The following PTPRN2 variants were observed in gnomAD, a reference collection of about 807,000 sequenced individuals.
The protein encoded by PTPRN2 is protein tyrosine phosphatase receptor type N2, also known as receptor-type tyrosine-protein phosphatase N2.
PTPRN2 carries 74 observed loss-of-function variants against 118.8 expected under a neutral mutation model. That is an observed-to-expected ratio of 0.62 (90% confidence interval 0.52 to 0.76). PTPRN2 has a LOEUF of 0.76. PTPRN2 is among the 30% of genes least tolerant of loss of function. The pLI is 0.00. For missense variants in PTPRN2, 1,481 were observed against 1,394.4 expected, an observed-to-expected ratio of 1.06 and a Z score of -0.99; for synonymous variants, 641 against 608.0, an observed-to-expected ratio of 1.05 and a Z score of -0.80.
intron 2 of PTPRN2, among the ~76,000 whole-genome samples, chr7:158,448,645 C>T (rs958646674): frequency 2.6e-5 from 4 of 152,196 alleles, no homozygotes; most frequent in African/African-American, 9.6e-5. Context: ...GGGCATGGGG[C>T]AGTCCCACCT....
intron 11 of PTPRN2, among the ~76,000 whole-genome samples, chr7:158,056,020 G>C (rs376694287): frequency 2.7e-4 from 41 of 152,174 alleles, no homozygotes; most frequent in Non-Finnish European, 4.6e-4. Flanking sequence ...GGTGGAGTCC[G>C]GGCCGAGGCC....
chr7:157,568,183 T>C (rs539229683), intron 21 of PTPRN2, among the ~76,000 whole-genome samples: 43 of 152,300 alleles, frequency 2.8e-4, no homozygotes, highest in African/African-American at 9.1e-4. Flanking sequence ...CAGATCTGCT[T>C]TTCCACGCTG....
intron 12 of PTPRN2, among the ~76,000 whole-genome samples, chr7:157,811,009 T>G (rs1051937619): frequency 1.3e-5 from 2 of 152,058 alleles, no homozygotes; most frequent in Admixed American, 1.3e-4. Flanking sequence ...CTGTGGCTCA[T>G]GCCTGTAATC....
intron 12 of PTPRN2, among the ~76,000 whole-genome samples, chr7:157,882,222 C>T (rs1448367502): frequency 1.3e-5 from 2 of 150,166 alleles, no homozygotes; most frequent in African/African-American, 4.9e-5. Flanking sequence ...AGACCAGATA[C>T]ACCACCCCAA....
Position 158,456,427 on chromosome 7 carries a change from C to T in PTPRN2, c.163+33308G>A, listed in dbSNP as rs1818505396. On this transcript the variant is annotated intron_variant, in intron 2 of 22. Coordinates refer to ENST00000389418, the MANE Select transcript of PTPRN2 (RefSeq NM_002847.5). ...GCACGGACGCCATCGGCCACGGCCC[C>T]CCATCGCTCTGCAGAGAACATAATG... Among the ~76,000 whole-genome samples the T allele has an allele frequency of 2.0e-5, 3 of 152,058 alleles. No homozygotes were observed. In the South Asian group the frequency reaches 6.3e-4, roughly 32 times the overall value.
chr7:158,399,281 G>A (rs187828038), intron 2 of PTPRN2, among the ~76,000 whole-genome samples: 2 of 152,300 alleles, frequency 1.3e-5, no homozygotes, highest in African/African-American at 4.8e-5. Flanking sequence ...TGTCAGTATA[G>A]GAGACCCTGC....
chr7:158,525,287 G>A lies in PTPRN2; in HGVS notation c.113-35502C>T, dbSNP rs1824685200. On this transcript the variant is annotated intron_variant, in intron 1 of 22. Transcript: ENST00000389418. This position sits in a 1 kb window ranked among gnomAD's most constrained non-coding sequence, Gnocchi z 4.1. Reference sequence around the variant, plus strand: ...TTTTGGAAACTGGGCATCTGCCAAGGAGAACACACGGCCCCCTAATGTGCA... The same window carrying A: ...TTTTGGAAACTGGGCATCTGCCAAGAAGAACACACGGCCCCCTAATGTGCA... 1.3e-5 allele frequency among the ~76,000 whole-genome samples: 2 copies of A among 152,202 alleles called. No individual in the cohort carries two copies.
chr7:157,965,259 G>C (rs1222797322), intron 11 of PTPRN2, among the ~76,000 whole-genome samples: 7 of 152,070 alleles, frequency 4.6e-5, no homozygotes, highest in Non-Finnish European at 1.0e-4. Flanking sequence ...CTTTTTCACA[G>C]TGTAACCCCT....
chr7:157,648,820 C>T (rs1156713561), intron 14 of PTPRN2, among the ~76,000 whole-genome samples: 1 of 146,870 alleles, frequency 6.8e-6, no homozygotes. Context: ...ATCCAGCGTG[C>T]ACTGAACTCG....
At chr7:157,693,878 C>T (rs1343044130) in intron 12 of PTPRN2, among the ~76,000 whole-genome samples, 1 of 152,232 alleles carries the variant, frequency 6.6e-6, no homozygotes, top group Non-Finnish European at 1.5e-5. Flanking sequence ...AGCCGTCTCC[C>T]TCGGCCAGGC....
chr7:157,725,225 T>A (rs1169058777), intron 12 of PTPRN2, among the ~76,000 whole-genome samples: 1 of 138,288 alleles, frequency 7.2e-6, no homozygotes, highest in Non-Finnish European at 1.5e-5. Flanking sequence ...GACCCTCGCC[T>A]CCCAGGAGAA....
At chr7:158,373,596 G>A (rs1810269951) in intron 2 of PTPRN2, among the ~76,000 whole-genome samples, 1 of 152,214 alleles carries the variant, frequency 6.6e-6, no homozygotes, top group Admixed American at 6.5e-5. Context: ...GTCTCTCCTG[G>A]CACCCACATT....
chr7:158,333,576 T>C (rs1462694399), intron 2 of PTPRN2, among the ~76,000 whole-genome samples: 7 of 119,102 alleles, frequency 5.9e-5, no homozygotes, highest in Admixed American at 8.5e-5. Context: ...TAAGAGCTGA[T>C]GCCGGCACAC....
chr7:158,407,382 G>C (rs867773485), intron 2 of PTPRN2, among the ~76,000 whole-genome samples: 8 of 42,472 alleles, frequency 1.9e-4, no homozygotes, highest in African/African-American at 4.6e-4. Flanking sequence ...CTGGGTCCTG[G>C]GTCCTGCGTC....
At chr7:158,181,123 G>A (rs1350189289) in intron 5 of PTPRN2, among the ~76,000 whole-genome samples, 3 of 152,028 alleles carry the variant, frequency 2.0e-5, no homozygotes, top group Non-Finnish European at 4.4e-5. Context: ...CTTCTGTGCC[G>A]AGTTTGTTGA....
At chr7:158,032,247 G>A (rs1047275298) in intron 11 of PTPRN2, among the ~76,000 whole-genome samples, 2 of 152,130 alleles carry the variant, frequency 1.3e-5, no homozygotes, top group South Asian at 2.1e-4. Context: ...TGCCCTCTGT[G>A]GGGAAGCAAG....
chr7:158,146,613 C>G (rs1406456336), intron 6 of PTPRN2, among the ~76,000 whole-genome samples: 1 of 149,336 alleles, frequency 6.7e-6, no homozygotes, highest in Non-Finnish European at 1.5e-5. Flanking sequence ...CCCAGCTACT[C>G]AGGAGCCTGA....
intron 6 of PTPRN2, among the ~76,000 whole-genome samples, chr7:158,141,564 T>C (rs768712095): frequency 7.9e-5 from 12 of 152,254 alleles, no homozygotes; most frequent in African/African-American, 1.2e-4. Context: ...GCAGTCTCTC[T>C]TGCCCATTAA....
intron 5 of PTPRN2, among the ~76,000 whole-genome samples, chr7:158,174,165 A>G (rs1449084099): frequency 6.6e-6 from 1 of 152,232 alleles, no homozygotes; most frequent in African/African-American, 2.4e-5. Context: ...GAAATTATGA[A>G]AGTACTAATT....
Sources: gnomAD v4.1 joint callset for allele counts (sites outside exome capture counted in the v4.1 genomes callset) on GRCh38, gnomAD v4.1.1 for gene constraint, Gnocchi (gnomAD v3.1) non-coding constraint, MANE v1.5 for transcripts, NCBI Gene and HGNC (gene_info 2026-07-23, HGNC 2026-07-21) for gene names.